Variants in ARHGAP12 observed in about 807,000 individuals in gnomAD.
ARHGAP12 encodes Rho GTPase activating protein 12, also known as rho GTPase-activating protein 12.
Under a neutral mutation model 108.6 loss-of-function variants are expected in ARHGAP12, and 64 were observed. The observed-to-expected ratio is 0.59, with a 90% CI of 0.48 to 0.73. ARHGAP12 has a LOEUF of 0.73. Among genes scored for constraint, ARHGAP12 ranks in the 30% least tolerant of loss-of-function variants. The pLI, the probability that ARHGAP12 is intolerant of heterozygous loss-of-function variation, is 0.00. For missense variants in ARHGAP12, 940 were observed against 1,005.9 expected (o/e 0.93, Z 0.89); for synonymous variants, 312 against 337.2 (o/e 0.93, Z 0.82).
intron 11 of ARHGAP12, among the ~76,000 whole-genome samples, chr10:31,821,989 G>C (rs950597025): frequency 6.6e-6 from 1 of 151,988 alleles, no homozygotes; most frequent in South Asian, 2.1e-4. Context: ...CATACACGCT[G>C]TAGATGGGTA....
At chr10:31,833,332 A>ATT (rs35256454) in intron 9 of ARHGAP12, among the ~76,000 whole-genome samples, 6 of 131,116 alleles carry the variant, frequency 4.6e-5, no homozygotes, top group East Asian at 2.5e-4. Context: ...CTGAATTTGT[A>ATT]TTAAAAAAAA....
intron 15 of ARHGAP12, among the ~76,000 whole-genome samples, chr10:31,812,021 T>C (rs1283815452): frequency 2.0e-5 from 3 of 152,202 alleles, no homozygotes; most frequent in African/African-American, 7.2e-5. Flanking sequence ...TAGATGGTCT[T>C]TGTTAGAAAT....
intron 1 of ARHGAP12, among the ~76,000 whole-genome samples, chr10:31,918,172 T>G (rs1839638741): frequency 6.6e-6 from 1 of 152,100 alleles, no homozygotes; most frequent in Non-Finnish European, 1.5e-5. Flanking sequence ...TCAGGCTAAT[T>G]TAAATGCATT....
At chr10:31,887,196 G>A (rs1335818805) in intron 3 of ARHGAP12, among the ~76,000 whole-genome samples, 1 of 152,216 alleles carries the variant, frequency 6.6e-6, no homozygotes, top group African/African-American at 2.4e-5. Context: ...TGCAGTTTGA[G>A]TCCAAAGGTG....
chr10:31,891,643 G>A (rs112427166), intron 3 of ARHGAP12, among the ~76,000 whole-genome samples: 13,791 of 152,022 alleles, frequency 0.091, 766 homozygotes, highest in Middle Eastern at 0.14. Flanking sequence ...GCTAGATTGG[G>A]GACGTTCTCC....
Position 31,893,960 on chromosome 10 carries a change from C to T in ARHGAP12, c.684+14212G>A, listed in dbSNP as rs1197013901. Among the ~76,000 whole-genome samples, 16 of 152,280 alleles carry T rather than the reference C, an allele frequency of 1.1e-4. No homozygotes were observed. In the East Asian group the frequency reaches 1.3e-3, roughly 13 times the overall value. On this transcript the variant is annotated intron_variant, in intron 3 of 19. Transcript: ENST00000344936. ...GGTTCAACATACACAAATCAGTAAA[C>T]GTAATCCAGCATATAAACAGAATCA...
rs1835607789 is a variant in ARHGAP12 at position 31,826,388 on chromosome 10, G to A, written c.1449-3C>T. On this transcript the variant is annotated splice_region_variant and splice_polypyrimidine_tract_variant and intron_variant, in intron 10 of 19. Coordinates refer to ENST00000344936, the MANE Select transcript of ARHGAP12 (RefSeq NM_018287.7). ...CCCAAGAAGACAACCAGTTCTTTCT[G>A]TAATTATAAAGATGACCGATTAAAG... 1 of 1,606,972 alleles carries A rather than the reference G, an allele frequency of 6.2e-7. No homozygotes were observed. The highest frequency in any genetic ancestry group is 1.3e-5 in the African/African-American group (1 of 74,554).
chr10:31,821,110 G>A (rs562542570), intron 11 of ARHGAP12, among the ~76,000 whole-genome samples: 3 of 152,092 alleles, frequency 2.0e-5, no homozygotes, highest in Admixed American at 6.5e-5. Context: ...GAGTAGTTAC[G>A]CTGTTAACAA....
chr10:31,808,874 T>C (rs374142977), intron 18 of ARHGAP12, 120 bp downstream of exon 18: 56 of 1,384,948 alleles, frequency 4.0e-5, no homozygotes, highest in Non-Finnish European at 5.0e-5. Context: ...TTTAAAATGT[T>C]TGGAGTAAAA....
At chr10:31,867,652 T>C (rs918348852) in intron 3 of ARHGAP12, among the ~76,000 whole-genome samples, 5 of 152,198 alleles carry the variant, frequency 3.3e-5, no homozygotes, top group African/African-American at 1.2e-4. Context: ...AGCAGAACCT[T>C]TTTGGAAAAG....
rs35308949 is a variant in ARHGAP12, at chr10:31,829,154, AAACAACAACAAC to A, written c.1448+2573_1448+2584del. ...GCGAGAGAGCAAGACTCTGTCTCAA[AAACAACAACAAC>A]AACAACAACAACAAAACTTTCAACA... On this transcript the variant is annotated intron_variant, in intron 10 of 19. Coordinates refer to ENST00000344936, the MANE Select transcript of ARHGAP12 (RefSeq NM_018287.7). Among the ~76,000 whole-genome samples, 20 of 151,430 alleles carry A rather than the reference AAACAACAACAAC, an allele frequency of 1.3e-4. 1 individual carries two copies. The South Asian group carries it at 4.0e-3, about 30-fold the overall frequency.
intron 3 of ARHGAP12, among the ~76,000 whole-genome samples, chr10:31,906,777 T>C (rs1393056439): frequency 6.6e-6 from 1 of 152,040 alleles, no homozygotes; most frequent in Admixed American, 6.6e-5. Flanking sequence ...AAACATAGGA[T>C]TGCGTGCGTA....
intron 6 of ARHGAP12, among the ~76,000 whole-genome samples, chr10:31,846,931 A>G (rs1279274355): frequency 1.4e-5 from 1 of 73,082 alleles, no homozygotes; most frequent in Non-Finnish European, 2.5e-5. Flanking sequence ...TTGGAAATCT[A>G]TTGTCTCTCC....
chr10:31,815,560 C>T (rs1835174334), intron 13 of ARHGAP12, among the ~76,000 whole-genome samples: 1 of 152,074 alleles, frequency 6.6e-6, no homozygotes, highest in Non-Finnish European at 1.5e-5. Context: ...TAGTTTTTTG[C>T]ATTTCTATAT....
chr10:31,926,162 G>A (rs1592396262), intron 1 of ARHGAP12, among the ~76,000 whole-genome samples: 1 of 152,122 alleles, frequency 6.6e-6, no homozygotes, highest in African/African-American at 2.4e-5. Flanking sequence ...TATCAACAGG[G>A]GAAGGAGGCT....
chr10:31,918,925 AT>A (rs1839676771), intron 1 of ARHGAP12, among the ~76,000 whole-genome samples: 1 of 152,252 alleles, frequency 6.6e-6, no homozygotes, highest in African/African-American at 2.4e-5. Flanking sequence ...TCAAACAGAT[AT>A]TTGTATATCC....
chr10:31,914,005 T>C (rs16932781), intron 1 of ARHGAP12, among the ~76,000 whole-genome samples: 18,700 of 152,208 alleles, frequency 0.12, 1,330 homozygotes, highest in Non-Finnish European at 0.17. Flanking sequence ...CAGTTACTTA[T>C]GGAGATGGTA....
At chr10:31,854,330 T>C (rs1488941117) in intron 4 of ARHGAP12, 124 bp from the exon 5 acceptor site, 17 of 869,420 alleles carry the variant, frequency 2.0e-5, no homozygotes, top group Non-Finnish European at 2.8e-5. Flanking sequence ...ATCTGAATAT[T>C]TGATTTTGAA....
At position 31,829,864 on chromosome 10, in the gene ARHGAP12, A is replaced by G. The variant is rs1253750676; in HGVS notation, c.1448+1875T>C. 7.2e-5 allele frequency among the ~76,000 whole-genome samples: 11 copies of G among 152,306 alleles called. 1 individual carries two copies. The highest frequency in any genetic ancestry group is 2.6e-4 in the African/African-American group (11 of 41,562). On this transcript the variant is annotated intron_variant, in intron 10 of 19. Transcript: ENST00000344936. ...CAGGAAAATGCACAATTATCTGAAC[A>G]TATCTTAAAACATTCCTCCATTTTC...
Sources: allele counts gnomAD v4.1 joint callset (sites outside exome capture counted in the v4.1 genomes callset), GRCh38; gene constraint gnomAD v4.1.1; transcripts MANE v1.5; gene names NCBI Gene and HGNC (gene_info 2026-07-23, HGNC 2026-07-21).